The following PHF3 variants were observed in gnomAD, a reference collection of about 807,000 sequenced individuals.
PHF3 encodes PHD finger protein 3.
PHF3 carries 41 observed loss-of-function variants against 178.4 expected under a neutral mutation model. The observed-to-expected ratio is 0.23, with a 90% CI of 0.18 to 0.30. PHF3 has a LOEUF of 0.30. PHF3 is among the 10% of genes least tolerant of loss of function. The pLI, the probability that PHF3 is intolerant of heterozygous loss-of-function variation, is 1.00. For missense variants in PHF3, 2,346 were observed against 2,398.1 expected, an observed-to-expected ratio of 0.98 and a Z score of 0.45; for synonymous variants, 842 against 800.5, an observed-to-expected ratio of 1.05 and a Z score of -0.88.
intron 6 of PHF3, among the ~76,000 whole-genome samples, chr6:63,697,612 A>G (rs985541244): frequency 3.3e-5 from 5 of 152,210 alleles, no homozygotes; most frequent in Non-Finnish European, 4.4e-5. Flanking sequence ...CATGTTTAAA[A>G]GAGAGAGAAT....
intron 2 of PHF3, among the ~76,000 whole-genome samples, chr6:63,669,993 G>C (rs966008300): frequency 6.6e-6 from 1 of 151,514 alleles, no homozygotes; most frequent in Non-Finnish European, 1.5e-5. Flanking sequence ...TTCTATTAAG[G>C]TTCATATCTT....
Position 63,698,677 on chromosome 6 carries a change from A to G in PHF3, c.2982+72A>G, listed in dbSNP as rs369783383. 6.8e-6 allele frequency: 7 copies of G among 1,032,022 alleles called. 1 individual carries two copies. The African/African-American group carries it at 8.0e-5, about 12-fold the overall frequency. 63.9% of individuals were successfully genotyped at this position (1,032,022 alleles called of 1,614,324 possible). A position where few individuals can be genotyped will look rare whatever the true frequency, so the allele number is the denominator to read the frequency against. On this transcript the variant is annotated intron_variant, in intron 8 of 15. Transcript: ENST00000262043. ...ACATAGGTATCTCAGATTGTAATAC[A>G]GTAGATCTATAATTTATTAATTGGA...
chr6:63,690,707 T>C lies in PHF3; in HGVS notation c.2190-1030T>C, dbSNP rs78533743. Among the ~76,000 whole-genome samples, 795 of 152,280 alleles carry C rather than the reference T, an allele frequency of 5.2e-3. 2 individuals are homozygous for C. The highest frequency in any genetic ancestry group is 0.01 in the Middle Eastern group (3 of 294). On this transcript the variant is annotated intron_variant, in intron 4 of 15. Transcript: ENST00000262043. ...GTCTTTCAGCTGTATCATAAATTGC[T>C]AGCCTGAAGATGAAAAAAGGACAAA... is the stretch of plus-strand genomic sequence containing the variant.
intron 2 of PHF3, among the ~76,000 whole-genome samples, chr6:63,674,392 G>T (rs1766076488): frequency 8.7e-6 from 1 of 115,530 alleles, no homozygotes; most frequent in Non-Finnish European, 1.8e-5. Context: ...AGGAATAGAA[G>T]AGGGGAAGAA....
Position 63,685,759 on chromosome 6 carries a change from A to T in PHF3, c.2037A>T (p.Lys679Asn), listed in dbSNP as rs1766670638. 1 of 1,613,984 alleles carries T rather than the reference A, an allele frequency of 6.2e-7. No homozygotes were observed. The highest frequency in any genetic ancestry group is 1.3e-5 in the African/African-American group (1 of 74,898). ...NLQPRQRRSS[K>N]SFSLDEPPLF... ...AACCCCGCCAAAGAAGAAGCAGCAA[A>T]AGTTTTTCTTTAGATGAGCCACCAT... The change falls in exon 4 of 16, where the codon AAA becomes AAT. Residue 679 changes from lysine (K) to asparagine (N), a missense_variant. Coordinates refer to ENST00000262043, the MANE Select transcript of PHF3 (RefSeq NM_001370348.2).
At chr6:63,704,282 C>T (rs984535570) in intron 11 of PHF3, among the ~76,000 whole-genome samples, 10 of 152,042 alleles carry the variant, frequency 6.6e-5, no homozygotes, top group African/African-American at 2.4e-4. Flanking sequence ...GGCGTTCACT[C>T]TTAGAGTTGT....
chr6:63,656,064 T>G (rs1319889513), intron 2 of PHF3, among the ~76,000 whole-genome samples: 6 of 152,378 alleles, frequency 3.9e-5, no homozygotes, highest in Admixed American at 1.3e-4. Context: ...ATACACATCT[T>G]TTAATGTAAA....
chr6:63,712,163 TA>T lies in PHF3; in HGVS notation c.4578del (p.Val1527Ter). The T allele has an allele frequency of 6.2e-7, 1 of 1,613,570 alleles. No individual in the cohort carries two copies. Among genetic ancestry groups the T allele is most frequent in the Non-Finnish European group, 8.5e-7 (1 of 1,179,728 alleles). ...ATGGTGAAAACAAGGAGATAAAAGT[TA>T]AAGTAGATAATATTTCAGAATCTAC... ...TDGENKEIKV[K>X]VDNISESTDK... On this transcript the variant is annotated frameshift_variant, in exon 16 of 16. Coordinates refer to ENST00000262043, the MANE Select transcript of PHF3 (RefSeq NM_001370348.2). LOFTEE classifies it high-confidence loss of function.
chr6:63,644,357 A>T (rs1764693172), intron 1 of PHF3, among the ~76,000 whole-genome samples: 2 of 152,204 alleles, frequency 1.3e-5, no homozygotes, highest in Admixed American at 1.3e-4. Flanking sequence ...TATTTTCATA[A>T]ATTATTTTTA....
chr6:63,681,008 C>G (rs1178949665), intron 3 of PHF3, among the ~76,000 whole-genome samples: 1 of 152,060 alleles, frequency 6.6e-6, no homozygotes. Flanking sequence ...GAAAAAGGAG[C>G]TGTGAGATAC....
At chr6:63,692,333 G>A (rs943231967) in intron 5 of PHF3, among the ~76,000 whole-genome samples, 2 of 151,564 alleles carry the variant, frequency 1.3e-5, no homozygotes, top group Non-Finnish European at 2.9e-5. Context: ...GGATCTTGTG[G>A]CCATTAAGTG....
intron 2 of PHF3, among the ~76,000 whole-genome samples, chr6:63,676,656 T>G (rs1222879735): frequency 6.6e-6 from 1 of 152,200 alleles, no homozygotes; most frequent in African/African-American, 2.4e-5. Context: ...GATCTTGTTA[T>G]AGGACCCTGT....
chr6:63,658,600 T>C (rs1002751635), intron 2 of PHF3, among the ~76,000 whole-genome samples: 2 of 152,180 alleles, frequency 1.3e-5, no homozygotes, highest in Admixed American at 6.6e-5. Flanking sequence ...TTTCCTTGCT[T>C]TCAGATTTTT....
At chr6:63,662,077 A>G (rs1362814921) in intron 2 of PHF3, among the ~76,000 whole-genome samples, 1 of 152,098 alleles carries the variant, frequency 6.6e-6, no homozygotes, top group Non-Finnish European at 1.5e-5. Context: ...TGAACTCTGC[A>G]TGTGAGGGAT....
chr6:63,642,994 T>C (rs1764640591), intron 1 of PHF3, among the ~76,000 whole-genome samples: 2 of 152,154 alleles, frequency 1.3e-5, no homozygotes, highest in African/African-American at 2.4e-5. Context: ...TATACTCTTA[T>C]CTAGTTTCCC....
chr6:63,720,495 ATATAG>A lies in PHF3; in HGVS notation c.*6790_*6794del. 1.2e-6 allele frequency: 1 copy of A among 804,890 alleles called. No homozygotes were observed. Among genetic ancestry groups the A allele is most frequent in the Non-Finnish European group, 1.9e-6 (1 of 531,574 alleles). 49.9% of individuals were successfully genotyped at this position (804,890 alleles called of 1,614,324 possible). A position where few individuals can be genotyped will look rare whatever the true frequency, so the allele number is the denominator to read the frequency against. Reference sequence around the variant, plus strand: ...GTTAGCATTTAGACTATTTCAGGTAATATAGTAAACAGTTGATTCCCCGTAAGCAA... The same window carrying A: ...GTTAGCATTTAGACTATTTCAGGTAATAAACAGTTGATTCCCCGTAAGCAA... On this transcript the variant is annotated 3_prime_UTR_variant, in exon 16 of 16. Coordinates refer to ENST00000262043, the MANE Select transcript of PHF3 (RefSeq NM_001370348.2).
At chr6:63,679,949 C>G (rs1199990937) in intron 2 of PHF3, 51 bp from the exon 3 acceptor site, 2 of 1,460,664 alleles carry the variant, frequency 1.4e-6, no homozygotes, top group South Asian at 2.3e-5. Context: ...CTTTAATTGC[C>G]TAACATTCCC....
At chr6:63,637,057 T>C (rs79387677) in intron 1 of PHF3, among the ~76,000 whole-genome samples, 3,175 of 152,268 alleles carry the variant, frequency 0.021, 105 homozygotes, top group African/African-American at 0.07. Flanking sequence ...GCGTAGAATA[T>C]GTTCATGGAT....
chr6:63,669,195 A>G (rs1018097897), intron 2 of PHF3, among the ~76,000 whole-genome samples: 1 of 152,236 alleles, frequency 6.6e-6, no homozygotes, highest in Non-Finnish European at 1.5e-5. Flanking sequence ...ATTGTAAATA[A>G]ATCTTCAAGA....
Sources: allele counts gnomAD v4.1 joint callset (sites outside exome capture counted in the v4.1 genomes callset), GRCh38; gene constraint gnomAD v4.1.1; transcripts MANE v1.5; gene names NCBI Gene and HGNC (gene_info 2026-07-23, HGNC 2026-07-21).